WRN: variants seen among roughly 807,000 people sequenced by gnomAD.
The protein encoded by WRN is bifunctional 3'-5' exonuclease/ATP-dependent helicase WRN.
A neutral mutation model predicts 180.7 loss-of-function variants in WRN; 149 were observed. The observed-to-expected ratio is 0.82, with a 90% CI of 0.72 to 0.94. The LOEUF (loss-of-function observed/expected upper bound fraction) is 0.94. Ranked by LOEUF, WRN falls within the 40% of genes least tolerant of loss-of-function variation. The probability of loss-of-function intolerance (pLI) is 0.00; values close to 1 mark genes in which losing one functional copy is unlikely to be tolerated. For missense variants in WRN, 1,661 were observed against 1,700.1 expected (o/e 0.98, Z 0.40); for synonymous variants, 548 against 568.9 (o/e 0.96, Z 0.52).
chr8:31,151,000 C>G (rs1409818254), intron 31 of WRN, among the ~76,000 whole-genome samples: 1 of 152,124 alleles, frequency 6.6e-6, no homozygotes, highest in African/African-American at 2.4e-5. Flanking sequence ...AGGATTTTCT[C>G]TAAACTCCAC....
chr8:31,062,362 A>G (rs1242891090), intron 3 of WRN, among the ~76,000 whole-genome samples: 1 of 151,642 alleles, frequency 6.6e-6, no homozygotes, highest in Non-Finnish European at 1.5e-5. Context: ...TAACAATATA[A>G]TAGATATGCA....
At chr8:31,128,999 G>T (rs1012329761) in intron 23 of WRN, among the ~76,000 whole-genome samples, 1 of 152,000 alleles carries the variant, frequency 6.6e-6, no homozygotes, top group African/African-American at 2.4e-5. Flanking sequence ...TTTTGACATA[G>T]GGTCACTACA....
intron 23 of WRN, among the ~76,000 whole-genome samples, chr8:31,127,854 G>T (rs1054078038): frequency 2.0e-5 from 3 of 152,110 alleles, no homozygotes; most frequent in African/African-American, 7.2e-5. Context: ...AGCCTGGAAG[G>T]TTGAGACTGC....
Position 31,111,839 on chromosome 8 carries a change from C to CT in WRN, c.2273+53dup, listed in dbSNP as rs111854110. 114,666 of 1,151,848 alleles carry CT rather than the reference C, an allele frequency of 0.1. 145 individuals are homozygous for CT. Among genetic ancestry groups the CT allele is most frequent in the African/African-American group, 0.11 (7,089 of 65,900 alleles). 71.4% of individuals were successfully genotyped at this position (1,151,848 alleles called of 1,614,324 possible). A position where few individuals can be genotyped will look rare whatever the true frequency, so the allele number is the denominator to read the frequency against. On this transcript the variant is annotated intron_variant, in intron 19 of 34. Coordinates refer to ENST00000298139, the MANE Select transcript of WRN (RefSeq NM_000553.6). The stretch of plus-strand genomic sequence containing the variant: ...GTTGATGAATTTTGGTAATGATTTC[C>CT]TTTTTTTTTTTTTAACAACTTATGT...
chr8:31,163,815 G>C (rs908605307), intron 33 of WRN, among the ~76,000 whole-genome samples: 17 of 150,986 alleles, frequency 1.1e-4, no homozygotes, highest in African/African-American at 4.1e-4. Context: ...TTTAAATCCA[G>C]AATAGAGGAG....
At chr8:31,172,132 A>G (rs904514067) in intron 34 of WRN, among the ~76,000 whole-genome samples, 4 of 150,272 alleles carry the variant, frequency 2.7e-5, no homozygotes, top group Non-Finnish European at 5.9e-5. Context: ...GTACCCAAAC[A>G]CTACCTTTGT....
At chr8:31,099,936 A>T (rs1814155148) in intron 17 of WRN, among the ~76,000 whole-genome samples, 1 of 152,158 alleles carries the variant, frequency 6.6e-6, no homozygotes, top group Admixed American at 6.5e-5. Context: ...GCTTAAGGTA[A>T]TACACATGGC....
chr8:31,090,915 T>C lies in WRN; in HGVS notation c.1802T>C (p.Leu601Pro). 3.7e-6 allele frequency: 6 copies of C among 1,613,040 alleles called. No homozygotes were observed. The highest frequency in any genetic ancestry group is 5.1e-6 in the Non-Finnish European group (6 of 1,179,226). Residue 601 changes from leucine (L) to proline (P), a missense_variant, in exon 15 of 35, where the codon CTG becomes CCG. Leu to Pro is a moderately conservative substitution (Grantham distance 98). Coordinates refer to ENST00000298139, the MANE Select transcript of WRN (RefSeq NM_000553.6). ...IGLVISPLIS[L>P]MEDQVLQLKM... Reference sequence around the variant, plus strand: ...CTTGTTATCTCTCCCCTTATTTCTCTGATGGAAGACCAAGTGCTACAGCTT... The same window carrying C: ...CTTGTTATCTCTCCCCTTATTTCTCCGATGGAAGACCAAGTGCTACAGCTT...
At chr8:31,048,433 C>T (rs1365391427) in intron 1 of WRN, among the ~76,000 whole-genome samples, 2 of 152,074 alleles carry the variant, frequency 1.3e-5, no homozygotes, top group Non-Finnish European at 2.9e-5. Flanking sequence ...AAAAACCGTA[C>T]AGGAGAATAC....
At chr8:31,096,966 C>T in intron 17 of WRN, 116 bp downstream of exon 17, 2 of 959,330 alleles carry the variant, frequency 2.1e-6, no homozygotes, top group South Asian at 2.7e-5. Context: ...ATTACTTCCT[C>T]CAGGAAATCT....
intron 5 of WRN, among the ~76,000 whole-genome samples, chr8:31,065,524 A>G (rs1346352988): frequency 1.3e-5 from 2 of 152,152 alleles, no homozygotes; most frequent in Non-Finnish European, 2.9e-5. Context: ...GCTAAGGATA[A>G]TGGCCTCCAG....
intron 18 of WRN, 103 bp from the exon 19 acceptor site, chr8:31,111,512 A>G: frequency 7.2e-7 from 1 of 1,398,522 alleles, no homozygotes. Flanking sequence ...TTAACATTGT[A>G]CCACAAACTG....
At position 31,069,638 on chromosome 8, in the gene WRN, G is replaced by A. The variant is rs192859702; in HGVS notation, c.724+1311G>A. On this transcript the variant is annotated intron_variant, in intron 7 of 34. Transcript: ENST00000298139. ...TGTGTATAGATTATATGCAAATATT[G>A]CAGCATTTTATATAAGAGACTTGAT... 2.2e-4 allele frequency among the ~76,000 whole-genome samples: 33 copies of A among 152,280 alleles called. No homozygotes were observed. In the Middle Eastern group the frequency reaches 0.01, roughly 47 times the overall value.
At chr8:31,130,025 C>CAAA (rs1230671171) in intron 23 of WRN, among the ~76,000 whole-genome samples, 7 of 60,204 alleles carry the variant, frequency 1.2e-4, no homozygotes, top group African/African-American at 3.0e-4. Flanking sequence ...CAAAACAAAA[C>CAAA]AAAAAAAAAA....
At chr8:31,038,107 A>T (rs1403833807) in intron 1 of WRN, among the ~76,000 whole-genome samples, 1 of 152,160 alleles carries the variant, frequency 6.6e-6, no homozygotes, top group Non-Finnish European at 1.5e-5. Flanking sequence ...TTTTGGGAAT[A>T]TACCTACGTG....
chr8:31,119,399 A>G (rs1335014743), intron 20 of WRN, among the ~76,000 whole-genome samples: 1 of 151,792 alleles, frequency 6.6e-6, no homozygotes, highest in East Asian at 1.9e-4. Flanking sequence ...CCTGGCTCCT[A>G]CTTAATTTTT....
At chr8:31,125,550 A>G (rs1263597804) in intron 23 of WRN, among the ~76,000 whole-genome samples, 2 of 125,140 alleles carry the variant, frequency 1.6e-5, no homozygotes, top group Non-Finnish European at 3.4e-5. Context: ...ATATATATAT[A>G]TATATATATA....
chr8:31,081,801 C>T (rs1220887237), intron 9 of WRN, among the ~76,000 whole-genome samples: 2 of 151,840 alleles, frequency 1.3e-5, no homozygotes, highest in African/African-American at 4.8e-5. Context: ...TGCTGTGTCA[C>T]CCCAGCTGGA....
chr8:31,065,038 A>T lies in WRN; in HGVS notation c.479A>T (p.Glu160Val). ...GATATCAAATTGAAGAATTTTGTGG[A>T]GTTGACAGATGTTGCCAATAAAAAG... ...DFDIKLKNFV[E>V]LTDVANKKLK... Residue 160 changes from glutamate (E) to valine (V), a missense_variant, in exon 5 of 35, where the codon GAG (glutamate) becomes GTG (valine). Around this residue, in one of 3 missense-constraint regions of WRN, gnomAD observed 500 missense variants for 504.1 expected, o/e 0.99. Transcript: ENST00000298139. The T allele has an allele frequency of 6.2e-7, 1 of 1,613,556 alleles. No homozygotes were observed.
Sources: allele counts gnomAD v4.1 joint callset (sites outside exome capture counted in the v4.1 genomes callset), GRCh38; gene constraint gnomAD v4.1.1; regional missense constraint gnomAD v4.1.1; transcripts MANE v1.5; gene names NCBI Gene and HGNC (gene_info 2026-07-23, HGNC 2026-07-21).